Variants in LCE1C observed in about 807,000 individuals in gnomAD.
LCE1C encodes late cornified envelope protein 1C.
A neutral mutation model predicts 0.7 loss-of-function variants in LCE1C; 1 was observed. That is an observed-to-expected ratio of 1.44 (90% confidence interval 0.51 to 6.83). The LOEUF (loss-of-function observed/expected upper bound fraction) is 6.83, where lower values mean the gene tolerates loss of function less well. LCE1C is among the 30% of genes most tolerant of loss of function. The probability of loss-of-function intolerance (pLI) is 0.14; values close to 1 mark genes in which losing one functional copy is unlikely to be tolerated. For synonymous variants in LCE1C, 72 were observed against 57.9 expected, an observed-to-expected ratio of 1.24 and a Z score of -1.10; for missense variants, 136 against 149.6, an observed-to-expected ratio of 0.91 and a Z score of 0.48.
chr1:152,805,232 G>C lies in LCE1C; in HGVS notation c.247C>G (p.Arg83Gly), dbSNP rs777347540. 1 of 1,613,672 alleles carries C rather than the reference G, an allele frequency of 6.2e-7. No individual in the cohort carries two copies. The highest frequency in any genetic ancestry group is 1.3e-5 in the African/African-American group (1 of 74,884). The change falls in exon 2 of 2, where the codon CGT (arginine) becomes GGT (glycine). Residue 83 changes from arginine to glycine, a missense_variant. Arg to Gly is a moderately radical substitution (Grantham distance 125). Transcript: ENST00000607093. ...GGCCLSHHRR[R>G]RSHCHRPQSS... ...TGGGGTCTGTGGCAGTGGGACCTAC[G>C]GCGCCTGTGGTGGCTCAGGCAGCAG...
Position 152,804,958 on chromosome 1 carries a change from G to T in LCE1C, c.*164C>A. 1.1e-6 allele frequency: 1 copy of T among 870,798 alleles called. No homozygotes were observed. Among genetic ancestry groups the T allele is most frequent in the Non-Finnish European group, 1.8e-6 (1 of 552,670 alleles). 53.9% of individuals were successfully genotyped at this position (870,798 alleles called of 1,614,324 possible). On this transcript the variant is annotated 3_prime_UTR_variant, in exon 2 of 2. Coordinates refer to ENST00000607093, the MANE Select transcript of LCE1C (RefSeq NM_178351.4). ...TCCAAGGCCAGTGAATGGAGATCCA[G>T]GAGAGGATCTGAGTTTCTGGACTCC... is the stretch of plus-strand genomic sequence containing the variant.
At chr1:152,806,572 C>G (rs1225969547) in intron 1 of LCE1C, 29 bp downstream of exon 1, 1 of 152,430 alleles carries the variant, frequency 6.6e-6, no homozygotes, top group Non-Finnish European at 1.5e-5. Context: ...CTGTGGAAGC[C>G]CCAGCAACTA....
At position 152,804,963 on chromosome 1, in the gene LCE1C, G is replaced by A; in HGVS notation, c.*159C>T. 2.2e-6 allele frequency: 2 copies of A among 900,264 alleles called. No individual in the cohort carries two copies. The highest frequency in any genetic ancestry group is 3.4e-5 in the South Asian group (2 of 58,710). The allele number at this position is 900,264 out of a possible 1,614,324, so 55.8% of individuals were successfully genotyped here. On this transcript the variant is annotated 3_prime_UTR_variant, in exon 2 of 2. Coordinates refer to ENST00000607093, the MANE Select transcript of LCE1C (RefSeq NM_178351.4). The stretch of plus-strand genomic sequence containing the variant: ...GGCCAGTGAATGGAGATCCAGGAGA[G>A]GATCTGAGTTTCTGGACTCCAGGGA...
chr1:152,805,794 A>G (rs1652323317), intron 1 of LCE1C, among the ~76,000 whole-genome samples: 1 of 152,226 alleles, frequency 6.6e-6, no homozygotes, highest in Non-Finnish European at 1.5e-5. Context: ...AACATTTAGT[A>G]AATTAAAGGA....
Position 152,804,966 on chromosome 1 carries a change from T to A in LCE1C, c.*156A>T, listed in dbSNP as rs978708963. 2.2e-6 allele frequency: 2 copies of A among 922,706 alleles called. No homozygotes were observed. The highest frequency in any genetic ancestry group is 3.5e-4 in the Middle Eastern group (1 of 2,846). The allele number at this position is 922,706 out of a possible 1,614,324, so 57.2% of individuals were successfully genotyped here. A position where few individuals can be genotyped will look rare whatever the true frequency, so the allele number is the denominator to read the frequency against. On this transcript the variant is annotated 3_prime_UTR_variant, in exon 2 of 2. Coordinates refer to ENST00000607093, the MANE Select transcript of LCE1C (RefSeq NM_178351.4). Reference sequence around the variant, plus strand: ...CAGTGAATGGAGATCCAGGAGAGGATCTGAGTTTCTGGACTCCAGGGAAAA... The same window carrying A: ...CAGTGAATGGAGATCCAGGAGAGGAACTGAGTTTCTGGACTCCAGGGAAAA...
chr1:152,806,245 C>A (rs1320908286), intron 1 of LCE1C, among the ~76,000 whole-genome samples: 1 of 152,212 alleles, frequency 6.6e-6, no homozygotes, highest in Non-Finnish European at 1.5e-5. Context: ...CTCTACTCCA[C>A]TGATTGAGAA....
At position 152,805,130 on chromosome 1, in the gene LCE1C, A is replaced by T. The variant is rs1652292025; in HGVS notation, c.349T>A (p.Cys117Ser). ...GGGSGQHSGG[C>S]C Reference sequence around the variant, plus strand: ...TAGGCTCAGGGTCCACTTCAGCAGCAGCCTCCAGAGTGCTGGCCACTCCCC... The same window carrying T: ...TAGGCTCAGGGTCCACTTCAGCAGCTGCCTCCAGAGTGCTGGCCACTCCCC... The change falls in exon 2 of 2, where the codon TGC (cysteine) becomes AGC (serine). Residue 117 changes from cysteine to serine, a missense_variant. Physicochemically the swap from Cys to Ser is moderately radical, Grantham distance 112 (BLOSUM62 -1). Coordinates refer to ENST00000607093, the MANE Select transcript of LCE1C (RefSeq NM_178351.4). The T allele has an allele frequency of 6.3e-7, 1 of 1,596,630 alleles. No individual in the cohort carries two copies. The highest frequency in any genetic ancestry group is 8.5e-7 in the Non-Finnish European group (1 of 1,171,574).
chr1:152,805,068 T>A lies in LCE1C; in HGVS notation c.*54A>T. ...GGCAGGCCTAGTAGGAGAAGGGGGA[T>A]GTCCTTGGCAGTTTGCGGTCCTGGA... On this transcript the variant is annotated 3_prime_UTR_variant, in exon 2 of 2. Coordinates refer to ENST00000607093, the MANE Select transcript of LCE1C (RefSeq NM_178351.4). 6.6e-7 allele frequency: 1 copy of A among 1,525,210 alleles called. No individual in the cohort carries two copies. Among genetic ancestry groups the A allele is most frequent in the Non-Finnish European group, 8.8e-7 (1 of 1,137,406 alleles). The allele number at this position is 1,525,210 out of a possible 1,614,324, so 94.5% of individuals were successfully genotyped here.
intron 1 of LCE1C, among the ~76,000 whole-genome samples, chr1:152,805,966 T>C (rs1483916481): frequency 1.3e-5 from 2 of 152,134 alleles, no homozygotes; most frequent in Admixed American, 6.5e-5. Context: ...CAATTGTAAA[T>C]GGTTTTGGAG....
chr1:152,805,646 C>A, intron 1 of LCE1C, 148 bp from the exon 2 acceptor site: 1 of 709,140 alleles, frequency 1.4e-6, no homozygotes, highest in South Asian at 1.9e-5. Context: ...TTTGTTGTTT[C>A]TTGTAGTTTG....
intron 1 of LCE1C, 95 bp downstream of exon 1, chr1:152,806,506 T>TCTCAGCC (rs1298381838): frequency 1.3e-5 from 2 of 152,316 alleles, no homozygotes; most frequent in African/African-American, 4.8e-5. Flanking sequence ...TCCAGATGGA[T>TCTCAGCC]CTCAGCCCTC....
chr1:152,806,559 A>T (rs989055882), intron 1 of LCE1C, 42 bp downstream of exon 1: 30 of 152,126 alleles, frequency 2.0e-4, no homozygotes, highest in African/African-American at 7.3e-4. Flanking sequence ...GCTGAGCAAC[A>T]CTCTGTGGAA....
At position 152,805,261 on chromosome 1, in the gene LCE1C, C is replaced by A. The variant is rs768924444; in HGVS notation, c.218G>T (p.Gly73Val). Residue 73 changes from glycine (G) to valine (V), a missense_variant, in exon 2 of 2, where the codon GGT becomes GTT. By Grantham distance (109) the Gly-to-Val change is moderately radical. Coordinates refer to ENST00000607093, the MANE Select transcript of LCE1C (RefSeq NM_178351.4). ...SSGGCCSSGG[G>V]GCCLSHHRRR... ...CCTGTGGTGGCTCAGGCAGCAGCCA[C>A]CTCCCCCAGAACTGCAGCATCCCCC... 5 of 1,613,892 alleles carry A rather than the reference C, an allele frequency of 3.1e-6. No homozygotes were observed. In the Admixed American group the frequency reaches 8.3e-5, roughly 27 times the overall value.
At chr1:152,805,541 A>AC in intron 1 of LCE1C, 43 bp from the exon 2 acceptor site, 2 of 1,354,894 alleles carry the variant, frequency 1.5e-6, no homozygotes, top group South Asian at 1.2e-5. Context: ...GGCAGAGGCC[A>AC]CCCCTGCCTA....
Position 152,805,216 on chromosome 1 carries a change from T to C in LCE1C, c.263A>G (p.His88Arg). Residue 88 changes from histidine (H) to arginine (R), a missense_variant, in exon 2 of 2, where the codon CAC (histidine) becomes CGC (arginine). His to Arg is a conservative substitution (Grantham distance 29). Coordinates refer to ENST00000607093, the MANE Select transcript of LCE1C (RefSeq NM_178351.4). ...GCAGCAGCCAGAGCTCTGGGGTCTG[T>C]GGCAGTGGGACCTACGGCGCCTGTG... ...SHHRRRRSHC[H>R]RPQSSGCCSQ... The C allele has an allele frequency of 6.2e-7, 1 of 1,613,708 alleles. No individual in the cohort carries two copies. The highest frequency in any genetic ancestry group is 8.5e-7 in the Non-Finnish European group (1 of 1,179,990).
At position 152,805,405 on chromosome 1, in the gene LCE1C, G is replaced by A. The variant is rs1451932043; in HGVS notation, c.74C>T (p.Pro25Leu). 3 of 1,613,644 alleles carry A rather than the reference G, an allele frequency of 1.9e-6. No individual in the cohort carries two copies. The highest frequency in any genetic ancestry group is 1.7e-6 in the Non-Finnish European group (2 of 1,179,706). ...ACACTTTGGGGGACACTTTGGGGTGGGGCACTTGGGAGGGCACTTGGGGGT... is the reference window on the plus strand; with the variant it reads ...ACACTTTGGGGGACACTTTGGGGTGAGGCACTTGGGAGGGCACTTGGGGGT... ...KCTPKCPPKC[P>L]TPKCPPKCPP... The change falls in exon 2 of 2, where the codon CCC (proline) becomes CTC (leucine). Residue 25 changes from proline (P) to leucine (L), a missense_variant. By Grantham distance (98) the Pro-to-Leu change is moderately conservative. Transcript: ENST00000607093.
Position 152,804,960 on chromosome 1 carries a change from A to T in LCE1C, c.*162T>A. ...CAAGGCCAGTGAATGGAGATCCAGG[A>T]GAGGATCTGAGTTTCTGGACTCCAG... is the stretch of plus-strand genomic sequence containing the variant. On this transcript the variant is annotated 3_prime_UTR_variant, in exon 2 of 2. Transcript: ENST00000607093. The T allele has an allele frequency of 1.1e-6, 1 of 872,158 alleles. No individual in the cohort carries two copies. Among genetic ancestry groups the T allele is most frequent in the Non-Finnish European group, 1.8e-6 (1 of 553,694 alleles). 54.0% of individuals were successfully genotyped at this position (872,158 alleles called of 1,614,324 possible).
In LCE1C at chr1:152,804,917, A is replaced by T; in HGVS notation, c.*205T>A. ...GGGCTTAGACAGAGCGTGGGAGGGT[A>T]GCCACAAAGGTGAGGTCCAAGGCCA... On this transcript the variant is annotated 3_prime_UTR_variant, in exon 2 of 2. Coordinates refer to ENST00000607093, the MANE Select transcript of LCE1C (RefSeq NM_178351.4). 1.5e-6 allele frequency: 1 copy of T among 651,980 alleles called. No individual in the cohort carries two copies. Among genetic ancestry groups the T allele is most frequent in the Middle Eastern group, 4.3e-4 (1 of 2,318 alleles). 40.4% of individuals were successfully genotyped at this position (651,980 alleles called of 1,614,324 possible).
Position 152,805,243 on chromosome 1 carries a change from T to G in LCE1C, c.236A>C (p.His79Pro). 1 of 1,613,788 alleles carries G rather than the reference T, an allele frequency of 6.2e-7. No homozygotes were observed. The highest frequency in any genetic ancestry group is 1.1e-5 in the South Asian group (1 of 91,036). Residue 79 changes from histidine to proline, a missense_variant, in exon 2 of 2, where the codon CAC becomes CCC. Transcript: ENST00000607093. ...GCAGTGGGACCTACGGCGCCTGTGG[T>G]GGCTCAGGCAGCAGCCACCTCCCCC... ...SSGGGGCCLS[H>P]HRRRRSHCHR... is the part of the protein sequence containing the mutation.
Sources: allele counts gnomAD v4.1 joint callset (sites outside exome capture counted in the v4.1 genomes callset), GRCh38; gene constraint gnomAD v4.1.1; transcripts MANE v1.5; gene names NCBI Gene and HGNC (gene_info 2026-07-23, HGNC 2026-07-21).